INPP5A: variants seen among roughly 807,000 people sequenced by gnomAD.
INPP5A encodes inositol polyphosphate-5-phosphatase A.
INPP5A carries 14 observed loss-of-function variants against 65.2 expected under a neutral mutation model. The ratio of observed to expected loss-of-function variants is 0.21; its 90% CI spans 0.14 to 0.34. The LOEUF is 0.34. Among genes scored for constraint, INPP5A ranks in the 10% least tolerant of loss-of-function variants. The pLI is 1.00. For synonymous variants in INPP5A, 207 were observed against 208.3 expected (o/e 0.99, Z 0.05); for missense variants, 431 against 545.6 (o/e 0.79, Z 2.09).
At chr10:132,641,544 G>A (rs1341053344) in intron 2 of INPP5A, among the ~76,000 whole-genome samples, 2 of 152,194 alleles carry the variant, frequency 1.3e-5, no homozygotes, top group African/African-American at 2.4e-5. Context: ...GCCAGAGGGC[G>A]ATTTTCTGAG....
chr10:132,664,629 C>T (rs901132243), intron 4 of INPP5A, among the ~76,000 whole-genome samples: 5 of 152,238 alleles, frequency 3.3e-5, no homozygotes, highest in African/African-American at 1.2e-4. Flanking sequence ...TGAGTGCGCT[C>T]TCTCACAGCC....
chr10:132,735,054 C>G (rs575774758), intron 9 of INPP5A, among the ~76,000 whole-genome samples: 2 of 152,194 alleles, frequency 1.3e-5, no homozygotes, highest in Non-Finnish European at 2.9e-5. Flanking sequence ...AGGTGCATCT[C>G]GAGCACCTGT....
chr10:132,690,981 G>A (rs920543348), intron 5 of INPP5A, among the ~76,000 whole-genome samples: 3 of 152,162 alleles, frequency 2.0e-5, no homozygotes, highest in Non-Finnish European at 4.4e-5. Flanking sequence ...CGGCCTGGGG[G>A]TGTTTGTGCG....
chr10:132,697,713 G>C lies in INPP5A; in HGVS notation c.371-103G>C. On this transcript the variant is annotated intron_variant, in intron 5 of 15. Coordinates refer to ENST00000368594, the MANE Select transcript of INPP5A (RefSeq NM_005539.5). The surrounding 1 kb of genome is among the most constrained non-coding windows in gnomAD (Gnocchi z 5.6). The stretch of plus-strand genomic sequence containing the variant: ...GGGCCTCCTCTCGGGGGGCCTCTCT[G>C]GCTCCCATCGGGCTGAAGTCGGGTG... 2.5e-6 allele frequency: 2 copies of C among 789,878 alleles called. No homozygotes were observed. Among genetic ancestry groups the C allele is most frequent in the Non-Finnish European group, 2.1e-6 (1 of 465,942 alleles). 48.9% of individuals were successfully genotyped at this position (789,878 alleles called of 1,614,324 possible). A position where few individuals can be genotyped will look rare whatever the true frequency, so the allele number is the denominator to read the frequency against.
chr10:132,569,937 CCACCGCA>C (rs2071318740), intron 1 of INPP5A, among the ~76,000 whole-genome samples: 1 of 147,158 alleles, frequency 6.8e-6, no homozygotes, highest in African/African-American at 2.5e-5. Flanking sequence ...CAGGTGTGAG[CCACCGCA>C]CTGGGCCCCC....
chr10:132,697,831 A>G lies in INPP5A; in HGVS notation c.386A>G (p.Lys129Arg). The G allele has an allele frequency of 6.2e-7, 1 of 1,612,630 alleles. No homozygotes were observed. The highest frequency in any genetic ancestry group is 1.3e-5 in the African/African-American group (1 of 75,016). Reference sequence around the variant, plus strand: ...TCTCTTCCAGCTAAGAAGTATAGAAAGGTCGCTGGCAAAGAGATCTACTCG... The same window carrying G: ...TCTCTTCCAGCTAAGAAGTATAGAAGGGTCGCTGGCAAAGAGATCTACTCG... ...QFDFKAKKYR[K>R]VAGKEIYSDT... Residue 129 changes from lysine to arginine, a missense_variant, in exon 6 of 16, where the codon AAG becomes AGG. Transcript: ENST00000368594. The surrounding 1 kb of genome is among the most constrained non-coding windows in gnomAD (Gnocchi z 5.6).
intron 1 of INPP5A, among the ~76,000 whole-genome samples, chr10:132,566,303 AG>A (rs1318285143): frequency 6.6e-6 from 1 of 152,200 alleles, no homozygotes; most frequent in Non-Finnish European, 1.5e-5. Context: ...CTCCAGATGT[AG>A]GTGTTTCCAG....
intron 11 of INPP5A, among the ~76,000 whole-genome samples, chr10:132,756,435 C>T (rs1313787703): frequency 2.6e-5 from 4 of 151,464 alleles, no homozygotes; most frequent in Non-Finnish European, 4.4e-5. Flanking sequence ...TATACAGTCA[C>T]GTCACATAAT....
At chr10:132,761,702 G>A (rs1376701405) in intron 11 of INPP5A, among the ~76,000 whole-genome samples, 3 of 152,124 alleles carry the variant, frequency 2.0e-5, no homozygotes, top group East Asian at 1.9e-4. Context: ...TCACTTTGGA[G>A]GGCAGGTCCA....
intron 8 of INPP5A, among the ~76,000 whole-genome samples, chr10:132,719,081 G>C (rs980523776): frequency 1.3e-5 from 2 of 149,070 alleles, no homozygotes; most frequent in African/African-American, 4.9e-5. Flanking sequence ...CGCGGGTTCT[G>C]TGGTACCTGG....
At chr10:132,734,922 G>C (rs1846149919) in intron 9 of INPP5A, among the ~76,000 whole-genome samples, 2 of 152,158 alleles carry the variant, frequency 1.3e-5, no homozygotes, top group Non-Finnish European at 2.9e-5. Flanking sequence ...CCTTGAGATG[G>C]GCTCTGCCCT....
rs968497025 is a variant in INPP5A, at chr10:132,674,331, G to C, written c.307-16061G>C. 6.6e-6 allele frequency among the ~76,000 whole-genome samples: 1 copy of C among 152,218 alleles called. No individual in the cohort carries two copies. Among genetic ancestry groups the C allele is most frequent in the African/African-American group, 2.4e-5 (1 of 41,462 alleles). On this transcript the variant is annotated intron_variant, in intron 4 of 15. Coordinates refer to ENST00000368594, the MANE Select transcript of INPP5A (RefSeq NM_005539.5). The surrounding 1 kb of genome is among the most constrained non-coding windows in gnomAD (Gnocchi z 4.4). ...GGCCATTTCTCCTTCCAAGCAGAGT[G>C]CACAAGCGGGTGCACTGCTTGAAGT...
chr10:132,598,982 C>G (rs1321753326), intron 1 of INPP5A, among the ~76,000 whole-genome samples: 2 of 152,188 alleles, frequency 1.3e-5, no homozygotes, highest in Non-Finnish European at 2.9e-5. Context: ...TTACCTCCCC[C>G]TGGGTTCTTC....
chr10:132,625,974 T>C (rs7091957), intron 2 of INPP5A, among the ~76,000 whole-genome samples: 58,245 of 152,056 alleles, frequency 0.38, 12,940 homozygotes, highest in East Asian at 0.78. Flanking sequence ...TTTTGACAAA[T>C]GCGCACACCT....
rs1416607926 is a variant in INPP5A at position 132,678,462 on chromosome 10, G to C, written c.307-11930G>C. On this transcript the variant is annotated intron_variant, in intron 4 of 15. Transcript: ENST00000368594. This position sits in a 1 kb window ranked among gnomAD's most constrained non-coding sequence, Gnocchi z 4.1. ...TTGCCTTTGTGATAGGGTTAAATGT[G>C]TGACTTTTGCAAGTGTGTTCAGCTT... Among the ~76,000 whole-genome samples, 1 of 152,194 alleles carries C rather than the reference G, an allele frequency of 6.6e-6. No individual in the cohort carries two copies. Among genetic ancestry groups the C allele is most frequent in the African/African-American group, 2.4e-5 (1 of 41,436 alleles).
At chr10:132,607,106 T>A (rs906030487) in intron 1 of INPP5A, among the ~76,000 whole-genome samples, 39 of 152,348 alleles carry the variant, frequency 2.6e-4, no homozygotes, top group African/African-American at 8.7e-4. Context: ...TGAATGGCTG[T>A]GCTGCCCTTG....
chr10:132,681,354 T>C (rs2073041926), intron 4 of INPP5A, among the ~76,000 whole-genome samples: 1 of 151,794 alleles, frequency 6.6e-6, no homozygotes, highest in South Asian at 2.1e-4. Context: ...TACTGCTCAC[T>C]CTCTGGATCC....
rs539322378 is a variant in INPP5A at position 132,700,187 on chromosome 10, C to G, written c.474+2268C>G. ...CCACAGGCAGAGGAGAAGGCACATT[C>G]TGGAAAGTAGACGATTCCTGGGAGG... On this transcript the variant is annotated intron_variant, in intron 6 of 15. Transcript: ENST00000368594. 2.6e-5 allele frequency among the ~76,000 whole-genome samples: 4 copies of G among 152,382 alleles called. No individual in the cohort carries two copies. In the East Asian group the frequency reaches 5.8e-4, roughly 22 times the overall value.
intron 1 of INPP5A, among the ~76,000 whole-genome samples, chr10:132,544,299 G>A (rs924525112): frequency 6.6e-6 from 1 of 152,242 alleles, no homozygotes; most frequent in Non-Finnish European, 1.5e-5. Context: ...CAGCTCTCAA[G>A]GAGGTTGGGG....
Sources: gnomAD v4.1 joint callset for allele counts (sites outside exome capture counted in the v4.1 genomes callset) on GRCh38, gnomAD v4.1.1 for gene constraint, Gnocchi (gnomAD v3.1) non-coding constraint, MANE v1.5 for transcripts, NCBI Gene and HGNC (gene_info 2026-07-23, HGNC 2026-07-21) for gene names.